SLC4A10: variants seen among roughly 807,000 people sequenced by gnomAD.
SLC4A10 encodes the protein solute carrier family 4 member 10.
Under a neutral mutation model 137.7 loss-of-function variants are expected in SLC4A10, and 42 were observed. The ratio of observed to expected loss-of-function variants is 0.30; its 90% confidence interval spans 0.24 to 0.39. SLC4A10 has a LOEUF of 0.39. Ranked by LOEUF, SLC4A10 falls within the 10% of genes least tolerant of loss-of-function variation. The pLI is 1.00. For synonymous variants in SLC4A10, 474 were observed against 464.1 expected, an observed-to-expected ratio of 1.02 and a Z score of -0.27; for missense variants, 925 against 1,355.0, an observed-to-expected ratio of 0.68 and a Z score of 4.98.
intron 4 of SLC4A10, among the ~76,000 whole-genome samples, chr2:161,850,265 A>C (rs888487584): frequency 6.6e-6 from 1 of 152,056 alleles, no homozygotes; most frequent in Non-Finnish European, 1.5e-5. Context: ...AGTGGTGTGC[A>C]CCTGTAGTCC....
chr2:161,908,593 A>G (rs1049809971), intron 15 of SLC4A10, among the ~76,000 whole-genome samples: 12 of 148,362 alleles, frequency 8.1e-5, no homozygotes, highest in African/African-American at 3.0e-4. Flanking sequence ...TAATAATAAT[A>G]AAATTAAAAA....
intron 19 of SLC4A10, 130 bp from the exon 20 acceptor site, chr2:161,956,859 G>A: frequency 1.0e-6 from 1 of 1,004,788 alleles, no homozygotes; most frequent in Non-Finnish European, 1.4e-6. Flanking sequence ...TTGTTTAAGA[G>A]TTACTCCAGG....
intron 3 of SLC4A10, among the ~76,000 whole-genome samples, chr2:161,838,542 TA>T (rs1198716124): frequency 2.6e-5 from 4 of 152,082 alleles, no homozygotes; most frequent in African/African-American, 9.7e-5. Flanking sequence ...AGTCAAACTA[TA>T]AATGGGGAGA....
At chr2:161,886,128 G>A (rs1330191652) in intron 10 of SLC4A10, among the ~76,000 whole-genome samples, 1 of 152,028 alleles carries the variant, frequency 6.6e-6, no homozygotes, top group East Asian at 1.9e-4. Flanking sequence ...CAATAGTAAA[G>A]CCATTACATA....
At chr2:161,689,232 G>T (rs1488169887) in intron 1 of SLC4A10, among the ~76,000 whole-genome samples, 1 of 152,088 alleles carries the variant, frequency 6.6e-6, no homozygotes, top group African/African-American at 2.4e-5. Flanking sequence ...CGGTGTTTAT[G>T]AAGTCTACAG....
intron 1 of SLC4A10, among the ~76,000 whole-genome samples, chr2:161,634,046 A>T (rs1318471608): frequency 6.6e-6 from 1 of 151,822 alleles, no homozygotes; most frequent in African/African-American, 2.4e-5. Context: ...CCATATTCGA[A>T]TATCACCAGT....
intron 1 of SLC4A10, among the ~76,000 whole-genome samples, chr2:161,691,252 T>C (rs909099042): frequency 1.2e-4 from 15 of 130,222 alleles, no homozygotes; most frequent in Middle Eastern, 6.4e-3. Flanking sequence ...CCCATGGCTA[T>C]AAAATTTAAT....
At chr2:161,648,386 G>T (rs1323893287) in intron 1 of SLC4A10, among the ~76,000 whole-genome samples, 1 of 152,100 alleles carries the variant, frequency 6.6e-6, no homozygotes, top group Non-Finnish European at 1.5e-5. Context: ...ACTTGGCTCC[G>T]CTGACTTCAA....
intron 19 of SLC4A10, 143 bp downstream of exon 19, chr2:161,950,991 C>T: frequency 1.3e-6 from 1 of 756,076 alleles, no homozygotes; most frequent in South Asian, 2.5e-5. Context: ...TATTGTCTTA[C>T]AAGATACTTG....
At chr2:161,707,828 T>C (rs2043855454) in intron 1 of SLC4A10, among the ~76,000 whole-genome samples, 1 of 151,478 alleles carries the variant, frequency 6.6e-6, no homozygotes, top group Non-Finnish European at 1.5e-5. Flanking sequence ...ATCTGAAACA[T>C]AAATGAAATC....
intron 15 of SLC4A10, among the ~76,000 whole-genome samples, chr2:161,927,150 G>C (rs1263298185): frequency 1.3e-5 from 2 of 152,200 alleles, no homozygotes; most frequent in African/African-American, 4.8e-5. Flanking sequence ...ATCCTGCGGA[G>C]TGTTTTCCAA....
At chr2:161,970,044 A>G (rs1698250696) in intron 23 of SLC4A10, among the ~76,000 whole-genome samples, 1 of 152,180 alleles carries the variant, frequency 6.6e-6, no homozygotes, top group Non-Finnish European at 1.5e-5. Flanking sequence ...CTACTGAATC[A>G]AAACTCTGGG....
chr2:161,975,265 T>C (rs1043486061), intron 24 of SLC4A10, among the ~76,000 whole-genome samples: 4 of 152,202 alleles, frequency 2.6e-5, no homozygotes. Flanking sequence ...AACCAGCATA[T>C]TTCCAAGTGT....
intron 2 of SLC4A10, among the ~76,000 whole-genome samples, chr2:161,799,175 G>T (rs572171180): frequency 4.6e-5 from 7 of 151,654 alleles, no homozygotes; most frequent in African/African-American, 1.7e-4. Context: ...ATGAATTTAA[G>T]AAATGTCCAC....
intron 1 of SLC4A10, among the ~76,000 whole-genome samples, chr2:161,763,630 A>G (rs1574837264): frequency 1.3e-5 from 2 of 152,142 alleles, no homozygotes; most frequent in Admixed American, 6.6e-5. Flanking sequence ...GCTCTGGTCT[A>G]TGAGAGAGGA....
intron 6 of SLC4A10, among the ~76,000 whole-genome samples, chr2:161,868,739 G>A (rs1341018391): frequency 6.6e-6 from 1 of 151,506 alleles, no homozygotes; most frequent in African/African-American, 2.4e-5. Flanking sequence ...GGAGATATTA[G>A]GTTTCTCAAA....
In SLC4A10 at chr2:161,985,138, A is replaced by T. The variant is rs1700663092; in HGVS notation, c.*1986A>T. ...TAATTTCAGATTCCTGGTCAAAATT[A>T]CTAAATATCTTGAATGTAATTTAGT... is the stretch of plus-strand genomic sequence containing the variant. On this transcript the variant is annotated 3_prime_UTR_variant, in exon 27 of 27. Coordinates refer to ENST00000446997, the MANE Select transcript of SLC4A10 (RefSeq NM_001178015.2). The T allele has an allele frequency of 1.3e-5, 2 of 152,220 alleles. No homozygotes were observed. Among genetic ancestry groups the T allele is most frequent in the African/African-American group, 4.8e-5 (2 of 41,584 alleles). 9.4% of individuals were successfully genotyped at this position (152,220 alleles called of 1,614,324 possible).
In SLC4A10 at chr2:161,939,124, G is replaced by A. The variant is rs189238167; in HGVS notation, c.1998-3668G>A. 1.2e-3 allele frequency among the ~76,000 whole-genome samples: 183 copies of A among 152,106 alleles called. 1 individual carries two copies. The highest frequency in any genetic ancestry group is 3.4e-3 in the Middle Eastern group (1 of 294). Reference sequence around the variant, plus strand: ...ACCAGTCTCGCTCTGTCGCCAGGCAGAGTGTGCAGTGATGCAATCTCTGCT... The same window carrying A: ...ACCAGTCTCGCTCTGTCGCCAGGCAAAGTGTGCAGTGATGCAATCTCTGCT... On this transcript the variant is annotated intron_variant, in intron 15 of 26. Coordinates refer to ENST00000446997, the MANE Select transcript of SLC4A10 (RefSeq NM_001178015.2).
chr2:161,798,570 A>C (rs1559274167), intron 2 of SLC4A10, among the ~76,000 whole-genome samples: 1 of 151,826 alleles, frequency 6.6e-6, no homozygotes, highest in South Asian at 2.1e-4. Context: ...TCTGTTGAAC[A>C]TAATAATAGC....
Sources: gnomAD v4.1 joint callset for allele counts (sites outside exome capture counted in the v4.1 genomes callset) on GRCh38, gnomAD v4.1.1 for gene constraint, MANE v1.5 for transcripts, NCBI Gene and HGNC (gene_info 2026-07-23, HGNC 2026-07-21) for gene names.